The following URI1 variants were observed in gnomAD, a reference collection of about 807,000 sequenced individuals.
URI1 encodes unconventional prefoldin RPB5 interactor 1.
In URI1, 39 loss-of-function variants were observed where a neutral mutation model predicts 60.2. That is an observed-to-expected ratio of 0.65 (90% CI 0.50 to 0.85). The LOEUF (loss-of-function observed/expected upper bound fraction) is 0.85, where lower values mean the gene tolerates loss of function less well. Ranked by LOEUF, URI1 falls within the 40% of genes least tolerant of loss-of-function variation. The pLI is 0.00. For synonymous variants in URI1, 251 were observed against 236.8 expected, an observed-to-expected ratio of 1.06 and a Z score of -0.55; for missense variants, 691 against 665.9, an observed-to-expected ratio of 1.04 and a Z score of -0.42.
intron 4 of URI1, among the ~76,000 whole-genome samples, chr19:30,002,037 C>G (rs1340931036): frequency 2.6e-5 from 4 of 151,876 alleles, no homozygotes; most frequent in African/African-American, 9.7e-5. Context: ...TTTAAAAATT[C>G]CAGCACACAA....
chr19:29,996,358 C>T (rs2055811987), intron 4 of URI1, among the ~76,000 whole-genome samples: 1 of 152,084 alleles, frequency 6.6e-6, no homozygotes, highest in South Asian at 2.1e-4. Flanking sequence ...AAATGAATTG[C>T]TTACAAATTT....
intron 4 of URI1, among the ~76,000 whole-genome samples, chr19:29,994,517 C>T (rs185502838): frequency 6.2e-4 from 95 of 152,166 alleles, no homozygotes; most frequent in Non-Finnish European, 9.3e-4. Context: ...TGGAATCCTA[C>T]AGCATTTGTC....
intron 4 of URI1, among the ~76,000 whole-genome samples, chr19:30,003,554 AC>A (rs2055902882): frequency 6.6e-6 from 1 of 152,060 alleles, no homozygotes. Flanking sequence ...TTTCATAATT[AC>A]CCTATTTCCA....
intron 2 of URI1, among the ~76,000 whole-genome samples, chr19:29,972,094 A>G (rs1385544714): frequency 6.6e-6 from 1 of 152,082 alleles, no homozygotes; most frequent in Non-Finnish European, 1.5e-5. Context: ...ATTTATAGTT[A>G]GTGTATATCA....
chr19:29,999,123 A>G (rs1419119178), intron 4 of URI1, among the ~76,000 whole-genome samples: 1 of 152,124 alleles, frequency 6.6e-6, no homozygotes, highest in Admixed American at 6.6e-5. Flanking sequence ...GTCACAAATT[A>G]TATCTTTATA....
chr19:29,998,768 A>AT (rs1336682462), intron 4 of URI1, among the ~76,000 whole-genome samples: 1 of 152,070 alleles, frequency 6.6e-6, no homozygotes, highest in Non-Finnish European at 1.5e-5. Context: ...GATTCTGCCA[A>AT]TTTATGCTTT....
exon 1 of URI1, chr19:29,923,744 C>T: frequency 1.3e-6 from 2 of 1,536,768 alleles, no homozygotes; most frequent in Non-Finnish European, 1.7e-6. Context: ...AGGGCTCTGG[C>T]ATATGCATTG....
intron 1 of URI1, among the ~76,000 whole-genome samples, chr19:29,948,531 A>G (rs561698957): frequency 8.5e-5 from 13 of 152,224 alleles, no homozygotes; most frequent in African/African-American, 1.7e-4. Flanking sequence ...TGTAACTTCA[A>G]TAAGTAATGT....
intron 2 of URI1, among the ~76,000 whole-genome samples, chr19:29,977,927 TAAG>T (rs920223949): frequency 4.6e-5 from 7 of 152,150 alleles, no homozygotes; most frequent in Admixed American, 2.0e-4. Flanking sequence ...AAAGTTGAAA[TAAG>T]AAAGGAATAA....
intron 1 of URI1, among the ~76,000 whole-genome samples, chr19:29,952,709 T>A (rs946337886): frequency 2.0e-5 from 3 of 151,866 alleles, no homozygotes; most frequent in African/African-American, 7.2e-5. Flanking sequence ...TATGGTAAAC[T>A]AAATATATTT....
intron 1 of URI1, among the ~76,000 whole-genome samples, chr19:29,949,079 T>G (rs335043): frequency 0.95 from 139,383 of 146,536 alleles, 66,264 homozygotes; most frequent in East Asian, 0.99. Flanking sequence ...GGACGGGGCT[T>G]CTGCCGGGCG....
rs1335681498 is a variant in URI1 at position 30,008,426 on chromosome 19, CTCTT to C, written c.687-575_687-572del. Reference sequence around the variant, plus strand: ...CTTGTGATTTTTCTTGGTCATGATTCTCTTTCTATTTTTTGTATGATGTTATTTC... The same window carrying C: ...CTTGTGATTTTTCTTGGTCATGATTCTCTATTTTTTGTATGATGTTATTTC... On this transcript the variant is annotated intron_variant, in intron 7 of 10. Transcript: ENST00000392271. Among the ~76,000 whole-genome samples, 12 of 152,012 alleles carry C rather than the reference CTCTT, an allele frequency of 7.9e-5. 1 individual carries two copies. In the South Asian group the frequency reaches 1.7e-3, roughly 21 times the overall value.
chr19:30,001,812 AT>A (rs1228656226), intron 4 of URI1, among the ~76,000 whole-genome samples: 1 of 151,806 alleles, frequency 6.6e-6, no homozygotes, highest in Non-Finnish European at 1.5e-5. Context: ...CTTCAAATGT[AT>A]TTGTCTTTAT....
chr19:29,949,271 G>A (rs2055145444), intron 1 of URI1, among the ~76,000 whole-genome samples: 1 of 151,954 alleles, frequency 6.6e-6, no homozygotes, highest in South Asian at 2.1e-4. Flanking sequence ...TCTCCCAGAC[G>A]GGGTCGTGGC....
rs567724426 is a variant in URI1, at chr19:29,943,029, C to T, written c.117+365C>T. Among the ~76,000 whole-genome samples the T allele has an allele frequency of 8.5e-5, 13 of 152,264 alleles. No individual in the cohort carries two copies. In the South Asian group the frequency reaches 2.5e-3, roughly 29 times the overall value. On this transcript the variant is annotated intron_variant, in intron 1 of 10. Transcript: ENST00000392271. ...TGTACTGTTTGTTGCTCTTTGATTG[C>T]ACGGAAAAGTTTTACCGCGTTTGTC... is the stretch of plus-strand genomic sequence containing the variant.
chr19:29,994,063 ATGTG>A (rs3053922), intron 4 of URI1, among the ~76,000 whole-genome samples: 1,600 of 147,960 alleles, frequency 0.011, 37 homozygotes, highest in African/African-American at 0.038. Context: ...CTCTGTGTGT[ATGTG>A]TGTGTGTGTG....
At chr19:29,926,686 G>A (rs1168968154) in intron 1 of URI1, among the ~76,000 whole-genome samples, 1 of 152,224 alleles carries the variant, frequency 6.6e-6, no homozygotes, top group Admixed American at 6.5e-5. Context: ...GTGTTAAACT[G>A]CAGTACAAGG....
Position 29,985,277 on chromosome 19 carries a change from T to C in URI1, c.207T>C (p.Pro69=). ...NALRERLSTL[P]DKLSYNIMVP... ...TTCGAGAAAGACTCAGCACCTTGCC[T>C]GATAAATTGTCTTATAATATAATGG... The change falls in exon 3 of 11, where the codon CCT becomes CCC. Residue 69 remains proline (P), a synonymous_variant. Transcript: ENST00000392271. 6.2e-7 allele frequency: 1 copy of C among 1,611,254 alleles called. No individual in the cohort carries two copies. The highest frequency in any genetic ancestry group is 1.1e-5 in the South Asian group (1 of 90,780).
In URI1 at chr19:29,927,560, C is replaced by CTTTTTTTTTTTT. The variant is rs3049080; in HGVS notation, c.63+3821_63+3832dup. Among the ~76,000 whole-genome samples, 44 of 39,814 alleles carry CTTTTTTTTTTTT rather than the reference C, an allele frequency of 1.1e-3. 6 individuals carry two copies. The highest frequency in any genetic ancestry group is 4.0e-3 in the African/African-American group (31 of 7,840). 26.1% of individuals were successfully genotyped at this position (39,814 alleles called of 152,430 possible). A position where few individuals can be genotyped will look rare whatever the true frequency, so the allele number is the denominator to read the frequency against. On this transcript the variant is annotated intron_variant, in intron 1 of 10. Transcript: ENST00000360605. ...TACAAGCATGAGCCACTGCACCCGG[C>CTTTTTTTTTTTT]TTTTTTTTTTTTTTTTTTTTTTTTT...
Sources: gnomAD v4.1 joint callset for allele counts (sites outside exome capture counted in the v4.1 genomes callset) on GRCh38, gnomAD v4.1.1 for gene constraint, MANE v1.5 for transcripts, NCBI Gene and HGNC (gene_info 2026-07-23, HGNC 2026-07-21) for gene names.